The following WDR72 variants were observed in gnomAD, a reference collection of about 807,000 sequenced individuals.
WDR72 encodes WD repeat domain 72, also known as WD repeat-containing protein 72.
A neutral mutation model predicts 124.2 loss-of-function variants in WDR72; 120 were observed. That is an observed-to-expected ratio of 0.97 (90% CI 0.83 to 1.12). The LOEUF (loss-of-function observed/expected upper bound fraction) is 1.12. Among genes scored for constraint, WDR72 ranks in the 50% most tolerant of loss-of-function variants. WDR72 has a pLI of 0.00. For synonymous variants in WDR72, 452 were observed against 441.7 expected (o/e 1.02, Z -0.29); for missense variants, 1,387 against 1,278.8 (o/e 1.08, Z -1.29).
At chr15:53,620,398 T>C (rs183277714) in intron 14 of WDR72, among the ~76,000 whole-genome samples, 1 of 149,220 alleles carries the variant, frequency 6.7e-6, no homozygotes, top group East Asian at 1.9e-4. Flanking sequence ...ATCATATTTA[T>C]TTTTTAAATT....
intron 1 of WDR72, among the ~76,000 whole-genome samples, chr15:53,753,438 C>T (rs1173039205): frequency 6.6e-6 from 1 of 152,200 alleles, no homozygotes; most frequent in African/African-American, 2.4e-5. Context: ...AGAAGCTAGG[C>T]CAAAACAGAC....
In WDR72 at chr15:53,715,284, G is replaced by C; in HGVS notation, c.423C>G (p.Ala141=). The C allele has an allele frequency of 6.2e-7, 1 of 1,614,036 alleles. No homozygotes were observed. Among genetic ancestry groups the C allele is most frequent in the South Asian group, 1.1e-5 (1 of 91,076 alleles). The change falls in exon 5 of 20, where the codon GCC becomes GCG. Residue 141 remains alanine, a synonymous_variant. Coordinates refer to ENST00000360509, the MANE Select transcript of WDR72 (RefSeq NM_182758.4). ...GEYQDVLIID[A]KTLAVVHSFR... ...AACTGTGAACAACAGCCAAAGTTTT[G>C]GCATCAATTATAAGGACATCTTGAT...
At chr15:53,531,907 G>T (rs1892494228) in intron 18 of WDR72, among the ~76,000 whole-genome samples, 1 of 151,984 alleles carries the variant, frequency 6.6e-6, no homozygotes, top group Non-Finnish European at 1.5e-5. Flanking sequence ...GACACTAAGG[G>T]TTCTTGAGTT....
chr15:53,552,154 T>TGTG (rs1400222850), intron 18 of WDR72, among the ~76,000 whole-genome samples: 2 of 115,060 alleles, frequency 1.7e-5, no homozygotes, highest in Non-Finnish European at 3.9e-5. Context: ...GTGTGTGTGT[T>TGTG]TATGTATGTA....
chr15:53,604,801 T>C (rs1746861513), intron 17 of WDR72, among the ~76,000 whole-genome samples: 1 of 151,522 alleles, frequency 6.6e-6, no homozygotes, highest in African/African-American at 2.4e-5. Context: ...AGTCAGAATG[T>C]TGAAGTCAAA....
chr15:53,726,759 G>A (rs959064577), intron 2 of WDR72, among the ~76,000 whole-genome samples: 1 of 152,058 alleles, frequency 6.6e-6, no homozygotes, highest in Non-Finnish European at 1.5e-5. Context: ...TGGAAGAATC[G>A]CTTGAGCTCT....
rs1341554821 is a variant in WDR72, at chr15:53,515,453, G to T, written c.*2246C>A. ...AATATAAAGAATTCATTTTTAAACA[G>T]ACTAGTGAATTTGTGTCATAAACAC... On this transcript the variant is annotated 3_prime_UTR_variant, in exon 20 of 20. Coordinates refer to ENST00000360509, the MANE Select transcript of WDR72 (RefSeq NM_182758.4). 1.3e-5 allele frequency: 2 copies of T among 152,146 alleles called. No individual in the cohort carries two copies. The highest frequency in any genetic ancestry group is 4.8e-5 in the African/African-American group (2 of 41,446). The allele number at this position is 152,146 out of a possible 1,614,324, so 9.4% of individuals were successfully genotyped here.
intron 6 of WDR72, among the ~76,000 whole-genome samples, chr15:53,713,866 T>C (rs690214): frequency 0.47 from 71,062 of 152,014 alleles, 17,227 homozygotes; most frequent in Middle Eastern, 0.61. Context: ...GTGTATTTCT[T>C]AAGCTCAGCA....
At chr15:53,709,961 C>A (rs757711398) in intron 9 of WDR72, among the ~76,000 whole-genome samples, 14 of 152,106 alleles carry the variant, frequency 9.2e-5, no homozygotes, top group Non-Finnish European at 1.8e-4. Context: ...CATGAAATAA[C>A]GTTTATGGAT....
At chr15:53,723,854 T>C (rs1389663619) in intron 2 of WDR72, among the ~76,000 whole-genome samples, 2 of 152,226 alleles carry the variant, frequency 1.3e-5, no homozygotes, top group Non-Finnish European at 2.9e-5. Flanking sequence ...ACACGTTTAG[T>C]ACAGATGCAA....
At chr15:53,708,295 T>C (rs768216992) in intron 9 of WDR72, among the ~76,000 whole-genome samples, 2 of 152,178 alleles carry the variant, frequency 1.3e-5, no homozygotes, top group Non-Finnish European at 2.9e-5. Context: ...CCTAGCTCTA[T>C]TGAAAGAGCA....
chr15:53,718,382 G>A (rs1277827031), intron 3 of WDR72, among the ~76,000 whole-genome samples: 2 of 152,064 alleles, frequency 1.3e-5, no homozygotes, highest in Non-Finnish European at 2.9e-5. Flanking sequence ...ATTGGAACCT[G>A]GACACCAGTA....
chr15:53,658,516 G>A (rs1235861691), intron 14 of WDR72, among the ~76,000 whole-genome samples: 1 of 152,148 alleles, frequency 6.6e-6, no homozygotes, highest in African/African-American at 2.4e-5. Flanking sequence ...GTTGCTATGG[G>A]CACAGCCACA....
intron 14 of WDR72, among the ~76,000 whole-genome samples, chr15:53,649,261 G>C (rs139022427): frequency 1.3e-5 from 2 of 152,196 alleles, no homozygotes; most frequent in Non-Finnish European, 2.9e-5. Flanking sequence ...ACGCAGAGTT[G>C]AGTAGGTGTA....
chr15:53,543,695 T>A (rs1353693725), intron 18 of WDR72, among the ~76,000 whole-genome samples: 2 of 151,906 alleles, frequency 1.3e-5, no homozygotes, highest in Non-Finnish European at 2.9e-5. Flanking sequence ...AAAAAATTAA[T>A]GAATCCAGGA....
At position 53,615,429 on chromosome 15, in the gene WDR72, C is replaced by T; in HGVS notation, c.2777G>A (p.Gly926Asp). The T allele has an allele frequency of 6.2e-7, 1 of 1,608,070 alleles. No homozygotes were observed. The highest frequency in any genetic ancestry group is 8.5e-7 in the Non-Finnish European group (1 of 1,176,954). Reference protein sequence around the residue: ...NMPLELACRVGSSFRMESIHN... With the variant: ...NMPLELACRVDSSFRMESIHN... ...AAAATCTCTAGGTATGTCTTACCTG[C>T]CAACTCTACATGCCAATTCTAAAGG... is the stretch of plus-strand genomic sequence containing the variant. Residue 926 changes from glycine to aspartate, a missense_variant, in exon 15 of 20, where the codon GGC (glycine) becomes GAC (aspartate). Transcript: ENST00000360509.
At chr15:53,600,930 T>C (rs764230650) in intron 17 of WDR72, among the ~76,000 whole-genome samples, 22 of 152,188 alleles carry the variant, frequency 1.4e-4, no homozygotes, top group Admixed American at 1.3e-4. Flanking sequence ...GTGTTTAATG[T>C]GTGAGGAGCA....
chr15:53,612,997 C>T (rs2013610021), intron 16 of WDR72, among the ~76,000 whole-genome samples: 1 of 151,510 alleles, frequency 6.6e-6, no homozygotes, highest in Admixed American at 6.6e-5. Context: ...AGAACTGACA[C>T]AATTACTGAC....
intron 13 of WDR72, among the ~76,000 whole-genome samples, chr15:53,688,454 C>T (rs1282287755): frequency 1.3e-5 from 2 of 151,202 alleles, no homozygotes; most frequent in South Asian, 2.1e-4. Flanking sequence ...GAGTGAACTC[C>T]CATTCACAAT....
Sources: allele counts gnomAD v4.1 joint callset (sites outside exome capture counted in the v4.1 genomes callset), GRCh38; gene constraint gnomAD v4.1.1; transcripts MANE v1.5; gene names NCBI Gene and HGNC (gene_info 2026-07-23, HGNC 2026-07-21).